Variants in TAFA2 observed in about 807,000 individuals in gnomAD.
TAFA2 encodes TAFA chemokine like family member 2.
A neutral mutation model predicts 18.8 loss-of-function variants in TAFA2; 7 were observed. The ratio of observed to expected loss-of-function variants is 0.37; its 90% CI spans 0.21 to 0.70. The LOEUF (loss-of-function observed/expected upper bound fraction) is 0.70, where lower values mean the gene tolerates loss of function less well. Ranked by LOEUF, TAFA2 falls within the 30% of genes least tolerant of loss-of-function variation. The probability of loss-of-function intolerance (pLI) is 0.53; values close to 1 mark genes in which losing one functional copy is unlikely to be tolerated. For synonymous variants in TAFA2, 60 were observed against 54.2 expected (o/e 1.11, Z -0.47); for missense variants, 122 against 158.1 (o/e 0.77, Z 1.23).
At chr12:61,864,494 C>T (rs191851219) in intron 2 of TAFA2, among the ~76,000 whole-genome samples, 3 of 150,668 alleles carry the variant, frequency 2.0e-5, no homozygotes, top group Non-Finnish European at 4.4e-5. Flanking sequence ...TGAGTGAAAA[C>T]AAAAAGCTAT....
At chr12:61,711,021 C>T (rs956294914) in intron 4 of TAFA2, among the ~76,000 whole-genome samples, 2 of 151,828 alleles carry the variant, frequency 1.3e-5, no homozygotes, top group East Asian at 1.9e-4. Context: ...AAATGTTGTA[C>T]CAAATGTTAA....
chr12:62,130,156 T>C (rs1483936111), intron 1 of TAFA2, among the ~76,000 whole-genome samples: 1 of 151,974 alleles, frequency 6.6e-6, no homozygotes, highest in Non-Finnish European at 1.5e-5. Flanking sequence ...TAAATTGCTT[T>C]CATCTTCCCA....
Position 61,941,578 on chromosome 12 carries a change from G to A in TAFA2, c.-1-74152C>T, listed in dbSNP as rs915487846. 3.5e-3 allele frequency among the ~76,000 whole-genome samples: 538 copies of A among 152,316 alleles called. 5 individuals are homozygous for A. The highest frequency in any genetic ancestry group is 3.0e-3 in the Non-Finnish European group (201 of 68,034). Reference sequence around the variant, plus strand: ...CACTAGGGAGTGCCAGACAGTGGGCGCAGGCCAGTGGGTGCGTGCACCGTG... The same window carrying A: ...CACTAGGGAGTGCCAGACAGTGGGCACAGGCCAGTGGGTGCGTGCACCGTG... On this transcript the variant is annotated intron_variant, in intron 1 of 4. Transcript: ENST00000416284.
chr12:62,109,650 T>G (rs12425187), intron 1 of TAFA2, among the ~76,000 whole-genome samples: 34,120 of 152,166 alleles, frequency 0.22, 4,194 homozygotes, highest in East Asian at 0.37. Context: ...TCTCTCTTAT[T>G]CCTTGAGCAA....
chr12:62,033,524 G>A (rs1407826298), intron 1 of TAFA2, among the ~76,000 whole-genome samples: 1 of 152,196 alleles, frequency 6.6e-6, no homozygotes, highest in East Asian at 1.9e-4. Flanking sequence ...AGAGGGCAGA[G>A]TTTCCAACAA....
At chr12:62,140,089 T>C (rs1245445) in intron 1 of TAFA2, 148,597 of 152,240 alleles carry the variant, frequency 0.98, 72,605 homozygotes, top group Middle Eastern at 1. Flanking sequence ...GCATGATGTG[T>C]TCTTGGGTAA....
intron 2 of TAFA2, among the ~76,000 whole-genome samples, chr12:61,833,185 A>T (rs892265463): frequency 2.0e-5 from 3 of 151,504 alleles, no homozygotes; most frequent in African/African-American, 7.2e-5. Flanking sequence ...AAGCCAAAGA[A>T]ATATGAATGG....
intron 1 of TAFA2, among the ~76,000 whole-genome samples, chr12:62,123,378 G>C (rs560028273): frequency 4.6e-5 from 7 of 151,838 alleles, no homozygotes; most frequent in Non-Finnish European, 8.8e-5. Flanking sequence ...GGGCCTGTAA[G>C]GTAATAGACT....
intron 1 of TAFA2, among the ~76,000 whole-genome samples, chr12:62,077,327 T>G (rs1178333146): frequency 6.6e-6 from 1 of 152,234 alleles, no homozygotes; most frequent in Non-Finnish European, 1.5e-5. Flanking sequence ...AAATATTCAC[T>G]GATATTTTGG....
chr12:62,042,430 C>CGGGT (rs1223775086), intron 1 of TAFA2, among the ~76,000 whole-genome samples: 2 of 94,552 alleles, frequency 2.1e-5, no homozygotes, highest in Non-Finnish European at 5.1e-5. Context: ...TGTGTGTGTG[C>CGGGT]GCGTGTGTGT....
chr12:61,875,672 T>C (rs139345968), intron 1 of TAFA2, among the ~76,000 whole-genome samples: 5 of 152,278 alleles, frequency 3.3e-5, no homozygotes, highest in South Asian at 2.1e-4. Context: ...GGCTGGATAA[T>C]TGAGATCTAG....
chr12:61,825,585 G>A (rs1482638375), intron 2 of TAFA2, among the ~76,000 whole-genome samples: 2 of 151,950 alleles, frequency 1.3e-5, no homozygotes. Context: ...AAAAAAGTAG[G>A]TTAGTAGAAA....
chr12:61,825,959 C>G lies in TAFA2; in HGVS notation c.106+41361G>C, dbSNP rs147673236. Among the ~76,000 whole-genome samples the G allele has an allele frequency of 8.2e-3, 1,240 of 152,090 alleles. 19 individuals are homozygous for G. The highest frequency in any genetic ancestry group is 0.028 in the African/African-American group (1,168 of 41,528). On this transcript the variant is annotated intron_variant, in intron 2 of 4. Transcript: ENST00000416284. ...ACCAAAACTGTGATGAATGAAACAA[C>G]TGATGAAAGTTCAAAAAAATCAAAA...
At chr12:61,861,915 T>C (rs909546500) in intron 2 of TAFA2, among the ~76,000 whole-genome samples, 15 of 152,358 alleles carry the variant, frequency 9.8e-5, no homozygotes, top group Non-Finnish European at 1.5e-5. Flanking sequence ...TTAGCTTGTA[T>C]TACAATGAAG....
chr12:62,225,466 G>A (rs1330425706), intron 1 of TAFA2, among the ~76,000 whole-genome samples: 6 of 151,922 alleles, frequency 3.9e-5, no homozygotes, highest in Admixed American at 1.3e-4. Context: ...CTTTCTAAGC[G>A]TGCTTCTAAA....
chr12:61,760,599 A>G (rs925556678), intron 2 of TAFA2, among the ~76,000 whole-genome samples: 4 of 151,800 alleles, frequency 2.6e-5, no homozygotes, highest in Non-Finnish European at 4.4e-5. Context: ...ATGGTAAACA[A>G]GCAATTTAAA....
chr12:61,979,132 C>T (rs563043707), intron 1 of TAFA2, among the ~76,000 whole-genome samples: 79 of 152,086 alleles, frequency 5.2e-4, no homozygotes, highest in Non-Finnish European at 9.3e-4. Flanking sequence ...TTTTGCTATC[C>T]AATAATAACC....
intron 1 of TAFA2, among the ~76,000 whole-genome samples, chr12:62,099,710 C>G (rs1869105261): frequency 6.6e-6 from 1 of 152,102 alleles, no homozygotes; most frequent in African/African-American, 2.4e-5. Flanking sequence ...ATATGCCAGG[C>G]CCTTGCTGGC....
At chr12:62,088,125 A>C (rs1868535391) in intron 1 of TAFA2, among the ~76,000 whole-genome samples, 1 of 152,068 alleles carries the variant, frequency 6.6e-6, no homozygotes, top group Non-Finnish European at 1.5e-5. Flanking sequence ...TCCTCAGCTT[A>C]AGGCAAATTT....
Sources: allele counts gnomAD v4.1 joint callset (sites outside exome capture counted in the v4.1 genomes callset), GRCh38; gene constraint gnomAD v4.1.1; transcripts MANE v1.5; gene names NCBI Gene and HGNC (gene_info 2026-07-23, HGNC 2026-07-21).